NIPAL4: variants seen among roughly 807,000 people sequenced by gnomAD.
The protein encoded by NIPAL4 is NIPA like domain containing 4.
NIPAL4 carries 21 observed loss-of-function variants against 31.6 expected under a neutral mutation model. That is an observed-to-expected ratio of 0.67 (90% CI 0.47 to 0.96). NIPAL4 has a LOEUF of 0.96. Ranked by LOEUF, NIPAL4 falls within the 40% of genes least tolerant of loss-of-function variation. The probability of loss-of-function intolerance (pLI) is 0.00; values close to 1 mark genes in which losing one functional copy is unlikely to be tolerated. For missense variants in NIPAL4, 438 were observed against 508.0 expected, an observed-to-expected ratio of 0.86 and a Z score of 1.32; for synonymous variants, 175 against 211.1, an observed-to-expected ratio of 0.83 and a Z score of 1.48.
chr5:157,469,168 G>A (rs1019161340), intron 4 of NIPAL4, among the ~76,000 whole-genome samples: 3 of 152,210 alleles, frequency 2.0e-5, no homozygotes, highest in South Asian at 2.1e-4. Context: ...TCTAATCCTC[G>A]CTCTGCCACT....
At chr5:157,466,965 C>G in intron 2 of NIPAL4, 84 bp from the exon 3 acceptor site, 1 of 1,026,894 alleles carries the variant, frequency 9.7e-7, no homozygotes, top group African/African-American at 1.6e-5. Context: ...CCTTAGAGGC[C>G]GGGGAGTGAG....
chr5:157,467,843 G>C (rs919652202), intron 3 of NIPAL4: 1 of 152,182 alleles, frequency 6.6e-6, no homozygotes, highest in African/African-American at 2.4e-5. Context: ...TGGAAACTCA[G>C]ATAGAGAGAA....
chr5:157,465,574 G>C (rs758746188), intron 2 of NIPAL4, among the ~76,000 whole-genome samples: 1 of 152,176 alleles, frequency 6.6e-6, no homozygotes, highest in South Asian at 2.1e-4. Flanking sequence ...GCCAGGTCCT[G>C]AACAAAGCAG....
At chr5:157,467,357 T>C in intron 3 of NIPAL4, 1 of 445,538 alleles carries the variant, frequency 2.2e-6, no homozygotes, top group East Asian at 4.6e-5. Flanking sequence ...TTTTCTCAAC[T>C]TGCCTTTAAA....
Position 157,473,526 on chromosome 5 carries a change from C to A in NIPAL4, c.*566C>A, listed in dbSNP as rs10476052. 0.062 allele frequency: 9,371 copies of A among 152,328 alleles called. 329 individuals are homozygous for A. The highest frequency in any genetic ancestry group is 0.085 in the Middle Eastern group (25 of 294). 9.4% of individuals were successfully genotyped at this position (152,328 alleles called of 1,614,324 possible). On this transcript the variant is annotated 3_prime_UTR_variant, in exon 6 of 6. Coordinates refer to ENST00000311946, the MANE Select transcript of NIPAL4 (RefSeq NM_001099287.2). The stretch of plus-strand genomic sequence containing the variant: ...GTCACTTCCTCTTTGGAGGCAGAAG[C>A]AAGACCTCAGCTGACCTTCTTACTG...
Position 157,471,710 on chromosome 5 carries a change from T to A in NIPAL4, c.479T>A (p.Leu160Gln). Residue 160 changes from leucine to glutamine, a missense_variant, in exon 5 of 6, where the codon CTG becomes CAG. Coordinates refer to ENST00000311946, the MANE Select transcript of NIPAL4 (RefSeq NM_001099287.2). The part of the protein sequence containing the change: ...LRESLNLLGK[L>Q]GCVICVAGST... ...GAGAGTCTGAACCTGCTGGGGAAGC[T>A]GGGCTGTGTGATCTGTGTGGCCGGA... 2 of 1,608,438 alleles carry A rather than the reference T, an allele frequency of 1.2e-6. No individual in the cohort carries two copies. Among genetic ancestry groups the A allele is most frequent in the Non-Finnish European group, 8.5e-7 (1 of 1,177,322 alleles).
At chr5:157,467,814 A>C (rs1351727006) in intron 3 of NIPAL4, 1 of 152,250 alleles carries the variant, frequency 6.6e-6, no homozygotes, top group Admixed American at 6.5e-5. Context: ...CCTGTGTATT[A>C]ACTCAGGAGT....
chr5:157,460,569 A>G (rs981355643), intron 1 of NIPAL4: 1 of 669,380 alleles, frequency 1.5e-6, no homozygotes, highest in Admixed American at 2.1e-5. Flanking sequence ...GAGAGGAGTC[A>G]GGGAAGGAAA....
intron 4 of NIPAL4, among the ~76,000 whole-genome samples, chr5:157,469,035 C>A (rs1754355517): frequency 1.3e-5 from 2 of 152,144 alleles, no homozygotes; most frequent in Non-Finnish European, 2.9e-5. Context: ...GCAGGCCAAG[C>A]CCAAAGCAGT....
rs886060347 is a variant in NIPAL4 at position 157,474,354 on chromosome 5, A to G, written c.*1394A>G. On this transcript the variant is annotated 3_prime_UTR_variant, in exon 6 of 6. Coordinates refer to ENST00000311946, the MANE Select transcript of NIPAL4 (RefSeq NM_001099287.2). ...GCCACAAGAGTGTGGGGGTTGGAGAAGAACCATTAGAAAGGGAAATTAGTG... is the reference window on the plus strand; with the variant it reads ...GCCACAAGAGTGTGGGGGTTGGAGAGGAACCATTAGAAAGGGAAATTAGTG... 6.6e-6 allele frequency: 1 copy of G among 152,248 alleles called. No individual in the cohort carries two copies. The highest frequency in any genetic ancestry group is 1.5e-5 in the Non-Finnish European group (1 of 68,058). 9.4% of individuals were successfully genotyped at this position (152,248 alleles called of 1,614,324 possible).
At chr5:157,460,685 ATGTGTAGT>A (rs1337428877) in intron 1 of NIPAL4, 2 of 555,944 alleles carry the variant, frequency 3.6e-6, no homozygotes, top group Non-Finnish European at 6.9e-6. Context: ...TGTGTTTTTA[ATGTGTAGT>A]TGCTTCAGGT....
chr5:157,468,756 C>G lies in NIPAL4; in HGVS notation c.369C>G (p.Tyr123Ter), dbSNP rs777992589. Reference protein sequence around the residue: ...AAGEVANFGAYAFAPATVVTP... With the variant: ...AAGEVANFGA ...GAGAAGTTGCCAACTTTGGAGCCTA[C>G]GCATTTGCACCTGCAACAGTCGTCA... is the stretch of plus-strand genomic sequence containing the variant. The change falls in exon 4 of 6, where the codon TAC becomes TAG. Residue 123 changes from tyrosine to a stop codon, truncating the protein, a stop_gained. Transcript: ENST00000311946. LOFTEE classifies it high-confidence loss of function. 1.2e-6 allele frequency: 2 copies of G among 1,612,022 alleles called. No homozygotes were observed. The highest frequency in any genetic ancestry group is 3.3e-5 in the Admixed American group (2 of 59,890).
chr5:157,463,052 T>C (rs1754150218), intron 1 of NIPAL4, 42 bp from the exon 2 acceptor site: 3 of 1,609,758 alleles, frequency 1.9e-6, no homozygotes, highest in Non-Finnish European at 2.5e-6. Flanking sequence ...AAGTGTGCAA[T>C]TGTCCCCAGT....
chr5:157,466,270 G>A (rs541352183), intron 2 of NIPAL4, among the ~76,000 whole-genome samples: 18 of 152,290 alleles, frequency 1.2e-4, no homozygotes, highest in South Asian at 4.1e-4. Context: ...AGAGCTCATC[G>A]TTTTTGGAGA....
At chr5:157,464,522 C>G (rs576102012) in intron 2 of NIPAL4, among the ~76,000 whole-genome samples, 2 of 151,882 alleles carry the variant, frequency 1.3e-5, no homozygotes, top group Non-Finnish European at 2.9e-5. Flanking sequence ...GCCCGGGAGA[C>G]GGAAATGGGA....
intron 4 of NIPAL4, among the ~76,000 whole-genome samples, chr5:157,470,135 A>T (rs1431078144): frequency 6.6e-6 from 1 of 152,236 alleles, no homozygotes; most frequent in Non-Finnish European, 1.5e-5. Context: ...AAGGCTAAAA[A>T]TAGCCAATGT....
In NIPAL4 at chr5:157,460,297, G is replaced by A. The variant is rs1754054373; in HGVS notation, c.-24G>A. 1.9e-6 allele frequency: 3 copies of A among 1,545,848 alleles called. No homozygotes were observed. Among genetic ancestry groups the A allele is most frequent in the South Asian group, 1.2e-5 (1 of 83,916 alleles). The stretch of plus-strand genomic sequence containing the variant: ...GAGCCCGGGCGCCGTCCGCCCGCGC[G>A]TCGGTTCGTGTGCCCCGGGCCCCAT... On this transcript the variant is annotated 5_prime_UTR_variant, in exon 1 of 6. Coordinates refer to ENST00000311946, the MANE Select transcript of NIPAL4 (RefSeq NM_001099287.2).
chr5:157,460,417 C>A, intron 1 of NIPAL4, 60 bp downstream of exon 1: 2 of 1,450,466 alleles, frequency 1.4e-6, no homozygotes, highest in Middle Eastern at 2.2e-4. Context: ...CCCCTCCTTG[C>A]CACCGCTCTC....
Sources: allele counts gnomAD v4.1 joint callset (sites outside exome capture counted in the v4.1 genomes callset), GRCh38; gene constraint gnomAD v4.1.1; transcripts MANE v1.5; gene names NCBI Gene and HGNC (gene_info 2026-07-23, HGNC 2026-07-21).